The following ALLC variants were observed in gnomAD, a reference collection of about 807,000 sequenced individuals.
ALLC encodes the protein probable inactive allantoicase.
A neutral mutation model predicts 45.0 loss-of-function variants in ALLC; 40 were observed. That is an observed-to-expected ratio of 0.89 (90% CI 0.69 to 1.16). The LOEUF (loss-of-function observed/expected upper bound fraction) is 1.16. Ranked by LOEUF, ALLC falls within the 50% of genes most tolerant of loss-of-function variation. The pLI is 0.00. For missense variants in ALLC, 488 were observed against 493.1 expected, an observed-to-expected ratio of 0.99 and a Z score of 0.10; for synonymous variants, 176 against 178.1, an observed-to-expected ratio of 0.99 and a Z score of 0.09.
intron 1 of ALLC, among the ~76,000 whole-genome samples, chr2:3,665,145 T>C (rs1666672370): frequency 6.6e-6 from 1 of 152,270 alleles, no homozygotes; most frequent in South Asian, 2.1e-4. Context: ...AGACGGATCC[T>C]GGAAAGGGCC....
the ALLC span, among the ~76,000 whole-genome samples, chr2:3,650,662 G>A: frequency 1.3e-5 from 2 of 152,176 alleles, no homozygotes; most frequent in African/African-American, 4.8e-5. Flanking sequence ...GCACTTGTCT[G>A]GGGCTCAGTT....
At chr2:3,659,634 C>T (rs904498636) in intron 1 of ALLC, among the ~76,000 whole-genome samples, 1 of 152,206 alleles carries the variant, frequency 6.6e-6, no homozygotes, top group African/African-American at 2.4e-5. Flanking sequence ...CCTTTCTTGC[C>T]TAGACCTTGG....
intron 1 of ALLC, among the ~76,000 whole-genome samples, chr2:3,665,449 G>C (rs994761883): frequency 2.0e-5 from 3 of 151,718 alleles, no homozygotes; most frequent in African/African-American, 4.8e-5. Context: ...TTAGCTATTT[G>C]TCCTGATGCT....
the ALLC span, among the ~76,000 whole-genome samples, chr2:3,651,518 G>A: frequency 6.6e-6 from 1 of 151,136 alleles, no homozygotes; most frequent in Non-Finnish European, 1.5e-5. Context: ...CGAGGTGTCA[G>A]ACTCTTCAGA....
intron 11 of ALLC, 106 bp from the exon 12 acceptor site, chr2:3,702,257 G>T: frequency 1.2e-6 from 1 of 865,912 alleles, no homozygotes; most frequent in Non-Finnish European, 1.7e-6. Context: ...TTATTTTAAA[G>T]CCCCTTCGGT....
chr2:3,693,507 G>A (rs13421466), intron 7 of ALLC, among the ~76,000 whole-genome samples: 3 of 152,242 alleles, frequency 2.0e-5, no homozygotes, highest in Non-Finnish European at 4.4e-5. Context: ...TTGAGCTACA[G>A]ACTGAGCATT....
chr2:3,671,491 A>G (rs1230229753), intron 2 of ALLC, among the ~76,000 whole-genome samples: 1 of 152,182 alleles, frequency 6.6e-6, no homozygotes, highest in African/African-American at 2.4e-5. Context: ...CTCTAGCTGG[A>G]GTTAAATCGG....
chr2:3,669,608 G>A (rs537854208), intron 1 of ALLC, among the ~76,000 whole-genome samples: 9 of 152,106 alleles, frequency 5.9e-5, no homozygotes, highest in East Asian at 1.9e-4. Flanking sequence ...AGATTGCGCC[G>A]CTGCACTCCA....
chr2:3,685,098 G>T (rs1276765930), intron 7 of ALLC, among the ~76,000 whole-genome samples: 1 of 152,174 alleles, frequency 6.6e-6, no homozygotes, highest in Admixed American at 6.5e-5. Context: ...ATTGCTGGAT[G>T]AATCTATTGT....
At chr2:3,698,549 A>C (rs373303089) in intron 10 of ALLC, among the ~76,000 whole-genome samples, 4 of 152,374 alleles carry the variant, frequency 2.6e-5, no homozygotes, top group South Asian at 2.1e-4. Context: ...GTGTTTAAAA[A>C]ATATTTGGAC....
Position 3,668,566 on chromosome 2 carries a change from C to CTTTTTTTTT in ALLC, c.-62-2511_-62-2503dup, listed in dbSNP as rs1173613810. Among the ~76,000 whole-genome samples, 155 of 71,888 alleles carry CTTTTTTTTT rather than the reference C, an allele frequency of 2.2e-3. 36 individuals are homozygous for CTTTTTTTTT. Among genetic ancestry groups the CTTTTTTTTT allele is most frequent in the African/African-American group, 0.011 (149 of 13,670 alleles). The allele number at this position is 71,888 out of a possible 152,430, so 47.2% of individuals were successfully genotyped here. A position where few individuals can be genotyped will look rare whatever the true frequency, so the allele number is the denominator to read the frequency against. On this transcript the variant is annotated intron_variant, in intron 1 of 11. Transcript: ENST00000252505. ...TGTGTAATATGCATAATGTGTATGA[C>CTTTTTTTTT]TTTTTTTTTTTTTTTTTTTTTTTTT...
rs1450073805 is a variant in ALLC, at chr2:3,672,109, GGCTCTA to G, written c.33+921_33+926del. Among the ~76,000 whole-genome samples the G allele has an allele frequency of 8.5e-4, 98 of 115,260 alleles. 2 individuals are homozygous for G. The highest frequency in any genetic ancestry group is 3.4e-3 in the African/African-American group (87 of 25,552). The allele number at this position is 115,260 out of a possible 152,430, so 75.6% of individuals were successfully genotyped here. On this transcript the variant is annotated intron_variant, in intron 2 of 11. Transcript: ENST00000252505. ...GCTGTGGTTAGATCGGAGGTCCTCTGGCTCTAGTTAGATTGGAGGTCCTCTGGCTCT... is the reference window on the plus strand; with the variant it reads ...GCTGTGGTTAGATCGGAGGTCCTCTGGTTAGATTGGAGGTCCTCTGGCTCT...
chr2:3,668,392 C>T (rs1666782075), intron 1 of ALLC, among the ~76,000 whole-genome samples: 1 of 151,888 alleles, frequency 6.6e-6, no homozygotes, highest in African/African-American at 2.4e-5. Context: ...TCTGAGTGAA[C>T]AGGGAATGAC....
upstream of ALLC, among the ~76,000 whole-genome samples, chr2:3,656,323 G>A (rs1666438312): frequency 6.6e-6 from 1 of 152,216 alleles, no homozygotes; most frequent in South Asian, 2.1e-4. Flanking sequence ...CTCACGTCTG[G>A]CTCAGGCCAC....
chr2:3,693,747 A>G (rs1395693556), intron 7 of ALLC, among the ~76,000 whole-genome samples: 3 of 152,208 alleles, frequency 2.0e-5, no homozygotes, highest in Non-Finnish European at 2.9e-5. Context: ...AACTTTGGAA[A>G]GAGGCCGAGG....
intron 2 of ALLC, among the ~76,000 whole-genome samples, chr2:3,673,537 A>G (rs11682697): frequency 0.22 from 34,057 of 152,160 alleles, 4,033 homozygotes; most frequent in African/African-American, 0.28. Flanking sequence ...GCTTGGGTGG[A>G]GTGACCACAG....
chr2:3,683,723 ACTTT>A (rs1667257802), intron 7 of ALLC, among the ~76,000 whole-genome samples: 1 of 152,290 alleles, frequency 6.6e-6, no homozygotes, highest in East Asian at 1.9e-4. Flanking sequence ...ATGTATTAAC[ACTTT>A]CTTTCTTTTT....
upstream of ALLC, among the ~76,000 whole-genome samples, chr2:3,654,319 A>G (rs982115424): frequency 6.6e-6 from 1 of 152,234 alleles, no homozygotes; most frequent in Non-Finnish European, 1.5e-5. Flanking sequence ...CTGTGGCTGC[A>G]TCCCCCACAC....
intron 3 of ALLC, among the ~76,000 whole-genome samples, chr2:3,677,137 G>A (rs1382227151): frequency 6.6e-6 from 1 of 152,080 alleles, no homozygotes; most frequent in Non-Finnish European, 1.5e-5. Context: ...ACATCACATG[G>A]CATGAGCCAG....
Sources: allele counts gnomAD v4.1 joint callset (sites outside exome capture counted in the v4.1 genomes callset), GRCh38; gene constraint gnomAD v4.1.1; transcripts MANE v1.5; gene names NCBI Gene and HGNC (gene_info 2026-07-23, HGNC 2026-07-21).